The following PTPRD variants were observed in gnomAD, a reference collection of about 807,000 sequenced individuals.
PTPRD encodes protein tyrosine phosphatase receptor type D.
PTPRD carries 34 observed loss-of-function variants against 214.5 expected under a neutral mutation model. The observed-to-expected ratio is 0.16, with a 90% CI of 0.12 to 0.21. PTPRD has a LOEUF of 0.21. Ranked by LOEUF, PTPRD falls within the 10% of genes least tolerant of loss-of-function variation. The pLI is 1.00. For synonymous variants in PTPRD, 1,128 were observed against 845.7 expected (o/e 1.33, Z -5.79); for missense variants, 2,545 against 2,398.7 (o/e 1.06, Z -1.27).
chr9:8,615,849 T>C (rs530229001), intron 14 of PTPRD, among the ~76,000 whole-genome samples: 1 of 152,250 alleles, frequency 6.6e-6, no homozygotes, highest in East Asian at 1.9e-4. Flanking sequence ...GATTTGTCCA[T>C]ATATTTTCAA....
At position 10,156,115 on chromosome 9, in the gene PTPRD, TGTGTGTGTGC is replaced by T. The variant is rs1158929192; in HGVS notation, c.-544-122335_-544-122326del. 7.1e-3 allele frequency among the ~76,000 whole-genome samples: 1,077 copies of T among 151,108 alleles called. 11 individuals carry two copies. Among genetic ancestry groups the T allele is most frequent in the African/African-American group, 0.024 (982 of 41,040 alleles). On this transcript the variant is annotated intron_variant, in intron 3 of 45. Transcript: ENST00000381196. Reference sequence around the variant, plus strand: ...GTGTGTGTGTGTGTGTGTGTGTGTGTGTGTGTGTGCCTGTCTCCTTTGGTTCAGCTCTAAT... The same window carrying T: ...GTGTGTGTGTGTGTGTGTGTGTGTGTCTGTCTCCTTTGGTTCAGCTCTAAT...
chr9:8,341,217 G>A lies in PTPRD; in HGVS notation c.4999C>T (p.Pro1667Ser), dbSNP rs778721966. ...HTSRFISANL[P>S]CNKFKNRLVN... is the part of the protein sequence containing the mutation. Reference sequence around the variant, plus strand: ...AGGCGATTTTTGAATTTATTACATGGAAGATTGGCACTGATAAACCTTGAG... The same window carrying A: ...AGGCGATTTTTGAATTTATTACATGAAAGATTGGCACTGATAAACCTTGAG... Residue 1667 changes from proline (P) to serine (S), a missense_variant, in exon 41 of 46, where the codon CCA becomes TCA. Pro to Ser is a moderately conservative substitution (Grantham distance 74). Transcript: ENST00000381196. 16 of 1,612,584 alleles carry A rather than the reference G, an allele frequency of 9.9e-6. No homozygotes were observed. Among genetic ancestry groups the A allele is most frequent in the Middle Eastern group, 1.6e-4 (1 of 6,072 alleles).
intron 14 of PTPRD, among the ~76,000 whole-genome samples, chr9:8,607,455 C>G (rs2095270857): frequency 6.6e-6 from 1 of 152,078 alleles, no homozygotes; most frequent in Non-Finnish European, 1.5e-5. Flanking sequence ...TCAGTCTGGT[C>G]AACATGGTGA....
At chr9:8,419,324 T>C (rs2094189886) in intron 35 of PTPRD, among the ~76,000 whole-genome samples, 1 of 151,956 alleles carries the variant, frequency 6.6e-6, no homozygotes, top group Non-Finnish European at 1.5e-5. Flanking sequence ...AAAGACAATA[T>C]GTTTGAGGTC....
At chr9:9,068,759 G>A (rs12003596) in intron 10 of PTPRD, among the ~76,000 whole-genome samples, 5,929 of 151,964 alleles carry the variant, frequency 0.039, 379 homozygotes, top group African/African-American at 0.13. Context: ...TTACAGGCGC[G>A]TGTCACCATA....
In PTPRD at chr9:9,380,064, A is replaced by G. The variant is rs150969866; in HGVS notation, c.-203+17385T>C. Among the ~76,000 whole-genome samples, 894 of 152,140 alleles carry G rather than the reference A, an allele frequency of 5.9e-3. 18 individuals carry two copies. Among genetic ancestry groups the G allele is most frequent in the African/African-American group, 0.02 (848 of 41,538 alleles). On this transcript the variant is annotated intron_variant, in intron 9 of 45. Transcript: ENST00000381196. ...CTTCAAATGTGGTGTTTAAAGGTGT[A>G]GCGAGATAGGGAATCCTTTCTTAGT...
intron 11 of PTPRD, among the ~76,000 whole-genome samples, chr9:8,767,005 A>G (rs1375337408): frequency 6.6e-6 from 1 of 152,234 alleles, no homozygotes; most frequent in Non-Finnish European, 1.5e-5. Context: ...CTGGTATGCT[A>G]TATTTCTGAC....
chr9:9,384,176 GTTAC>G (rs765400168), intron 9 of PTPRD, among the ~76,000 whole-genome samples: 16 of 151,262 alleles, frequency 1.1e-4, no homozygotes, highest in Admixed American at 2.0e-4. Context: ...ATCTCAGTGT[GTTAC>G]TTACATAAAA....
chr9:9,317,201 G>A (rs1458479805), intron 9 of PTPRD, among the ~76,000 whole-genome samples: 2 of 152,028 alleles, frequency 1.3e-5, no homozygotes, highest in African/African-American at 4.8e-5. Flanking sequence ...TTTGTCCTCT[G>A]CTCACACTAC....
chr9:8,798,423 A>G (rs2096494011), intron 11 of PTPRD, among the ~76,000 whole-genome samples: 1 of 152,156 alleles, frequency 6.6e-6, no homozygotes, highest in African/African-American at 2.4e-5. Context: ...AAACCAAACA[A>G]TTCTGGGTTT....
intron 5 of PTPRD, among the ~76,000 whole-genome samples, chr9:9,897,294 G>A (rs182582105): frequency 6.6e-6 from 1 of 151,910 alleles, no homozygotes; most frequent in Non-Finnish European, 1.5e-5. Flanking sequence ...TTACTAATTT[G>A]CTATATGAAA....
At chr9:8,453,274 C>T (rs2096036641) in intron 33 of PTPRD, among the ~76,000 whole-genome samples, 1 of 152,172 alleles carries the variant, frequency 6.6e-6, no homozygotes, top group Admixed American at 6.5e-5. Flanking sequence ...TGCCATTCTC[C>T]TGCCTCAGCC....
At chr9:9,697,565 GTC>G (rs1340107283) in intron 7 of PTPRD, among the ~76,000 whole-genome samples, 1 of 151,950 alleles carries the variant, frequency 6.6e-6, no homozygotes, top group African/African-American at 2.4e-5. Context: ...AAAATTGGAA[GTC>G]TCTCATATGT....
In PTPRD at chr9:9,760,657, T is replaced by G. The variant is rs2252875; in HGVS notation, c.-326+6153A>C. Among the ~76,000 whole-genome samples the G allele has an allele frequency of 0.036, 5,208 of 144,906 alleles. 525 individuals are homozygous for G. The East Asian group carries it at 0.38, about 11-fold the overall frequency. On this transcript the variant is annotated intron_variant, in intron 6 of 45. Coordinates refer to ENST00000381196, the MANE Select transcript of PTPRD (RefSeq NM_002839.4). ...ACACACACACACACACACACACATA[T>G]ATATATATATTCCAGCACTGTTCAT...
chr9:9,590,495 C>G (rs1372421137), intron 7 of PTPRD, among the ~76,000 whole-genome samples: 1 of 151,940 alleles, frequency 6.6e-6, no homozygotes, highest in Admixed American at 6.6e-5. Context: ...TTCTTATTAT[C>G]TGTATTCTTA....
chr9:8,463,491 T>C (rs1335185590), intron 32 of PTPRD, among the ~76,000 whole-genome samples: 4 of 151,878 alleles, frequency 2.6e-5, no homozygotes, highest in Non-Finnish European at 5.9e-5. Flanking sequence ...GGCAATACTG[T>C]CTCATTTGAA....
intron 3 of PTPRD, among the ~76,000 whole-genome samples, chr9:10,311,922 T>C (rs1565215081): frequency 6.6e-6 from 1 of 151,954 alleles, no homozygotes; most frequent in Non-Finnish European, 1.5e-5. Context: ...AGAGCTTTAT[T>C]TACCACTTTT....
chr9:8,911,019 G>T (rs764411844), intron 11 of PTPRD, among the ~76,000 whole-genome samples: 5 of 152,252 alleles, frequency 3.3e-5, no homozygotes, highest in Admixed American at 1.3e-4. Context: ...GGTCATTCTC[G>T]TTCAAACTTA....
At chr9:10,411,186 C>G (rs544867516) in intron 2 of PTPRD, among the ~76,000 whole-genome samples, 1 of 151,796 alleles carries the variant, frequency 6.6e-6, no homozygotes, top group South Asian at 2.1e-4. Context: ...ACTTCTAAGG[C>G]TTTTAAACTG....
Sources: allele counts gnomAD v4.1 joint callset (sites outside exome capture counted in the v4.1 genomes callset), GRCh38; gene constraint gnomAD v4.1.1; transcripts MANE v1.5; gene names NCBI Gene and HGNC (gene_info 2026-07-23, HGNC 2026-07-21).